The following CHN2 variants were observed in gnomAD, a reference collection of about 807,000 sequenced individuals.
CHN2 encodes chimerin 2, also known as beta-chimaerin.
In CHN2, 35 loss-of-function variants were observed where a neutral mutation model predicts 56.3. The observed-to-expected ratio is 0.62, with a 90% CI of 0.47 to 0.82. The LOEUF (loss-of-function observed/expected upper bound fraction) is 0.82. CHN2 is among the 40% of genes least tolerant of loss of function. The probability of loss-of-function intolerance (pLI) is 0.00; values close to 1 mark genes in which losing one functional copy is unlikely to be tolerated. For missense variants in CHN2, 491 were observed against 580.5 expected (o/e 0.85, Z 1.58); for synonymous variants, 210 against 212.8 (o/e 0.99, Z 0.12).
intron 1 of CHN2, among the ~76,000 whole-genome samples, chr7:29,256,364 T>C (rs1323191746): frequency 6.6e-6 from 1 of 152,242 alleles, no homozygotes; most frequent in East Asian, 1.9e-4. Flanking sequence ...GTTTTAATGT[T>C]TATCGATTTC....
At chr7:29,468,328 G>T (rs1183219531) in intron 6 of CHN2, among the ~76,000 whole-genome samples, 2 of 152,112 alleles carry the variant, frequency 1.3e-5, no homozygotes, top group East Asian at 3.8e-4. Flanking sequence ...TCAGCGTTCT[G>T]TGGTGGTTAG....
In CHN2 at chr7:29,419,443, C is replaced by T. The variant is rs147361343; in HGVS notation, c.576+18615C>T. The stretch of plus-strand genomic sequence containing the variant: ...GCTGGCAGTGATTTCTTGGATGTGA[C>T]ACCAAGAGCACAGGCAACAAAAGCA... On this transcript the variant is annotated intron_variant, in intron 6 of 12. Coordinates refer to ENST00000222792, the MANE Select transcript of CHN2 (RefSeq NM_004067.4). Among the ~76,000 whole-genome samples, 66 of 152,246 alleles carry T rather than the reference C, an allele frequency of 4.3e-4. No individual in the cohort carries two copies. In the East Asian group the frequency reaches 0.012, roughly 27 times the overall value.
chr7:29,482,801 T>TC (rs1562644913), intron 7 of CHN2, among the ~76,000 whole-genome samples: 4 of 7,512 alleles, frequency 5.3e-4, no homozygotes, highest in Non-Finnish European at 5.1e-4. Context: ...TTTTTTCTTT[T>TC]TTTTTTTTTT....
At chr7:29,452,144 C>T (rs1220495286) in intron 6 of CHN2, among the ~76,000 whole-genome samples, 1 of 152,150 alleles carries the variant, frequency 6.6e-6, no homozygotes, top group African/African-American at 2.4e-5. Flanking sequence ...TGCATAGACC[C>T]CTACAAATTA....
intron 1 of CHN2, among the ~76,000 whole-genome samples, chr7:29,346,118 C>A (rs1797415529): frequency 6.6e-6 from 1 of 152,166 alleles, no homozygotes; most frequent in African/African-American, 2.4e-5. Flanking sequence ...GCCTTCAGAT[C>A]TGGGTGTTTT....
At chr7:29,410,058 G>T (rs1048811198) in intron 6 of CHN2, among the ~76,000 whole-genome samples, 1 of 152,218 alleles carries the variant, frequency 6.6e-6, no homozygotes, top group African/African-American at 2.4e-5. Context: ...TCACTAGGCG[G>T]TGGGGGGACA....
intron 1 of CHN2, among the ~76,000 whole-genome samples, chr7:29,281,899 C>T (rs188009144): frequency 1.3e-5 from 2 of 152,292 alleles, no homozygotes; most frequent in East Asian, 1.9e-4. Flanking sequence ...CCTGAGTATG[C>T]GGTGCGTCAG....
intron 1 of CHN2, among the ~76,000 whole-genome samples, chr7:29,283,229 G>A (rs930233247): frequency 1.3e-5 from 2 of 152,162 alleles, no homozygotes; most frequent in East Asian, 1.9e-4. Context: ...AGTGCTTTGT[G>A]TATTAACTTG....
chr7:29,207,614 A>G (rs1584734874), intron 1 of CHN2, among the ~76,000 whole-genome samples: 1 of 152,296 alleles, frequency 6.6e-6, no homozygotes, highest in East Asian at 1.9e-4. Context: ...GCCTCGAAGT[A>G]GAGTGTGAGT....
In CHN2 at chr7:29,242,759, GAAAAAAAAAAAAAA is replaced by G. The variant is rs57273690; in HGVS notation, c.49+47782_49+47795del. 6.7e-5 allele frequency among the ~76,000 whole-genome samples: 4 copies of G among 59,724 alleles called. No individual in the cohort carries two copies. In the South Asian group the frequency reaches 1.7e-3, roughly 25 times the overall value. The allele number at this position is 59,724 out of a possible 152,430, so 39.2% of individuals were successfully genotyped here. ...AATATACAGAACTGACTTTCCTTCT[GAAAAAAAAAAAAAA>G]AAAAAAAAAAAAGGACAGGAAGAAA... is the stretch of plus-strand genomic sequence containing the variant. On this transcript the variant is annotated intron_variant, in intron 1 of 12. Coordinates refer to ENST00000222792, the MANE Select transcript of CHN2 (RefSeq NM_004067.4).
In CHN2 at chr7:29,479,752, C is replaced by T. The variant is rs576360899; in HGVS notation, c.577-527C>T. ...AAATGTGCTAATAAGGAGGAGAGAC[C>T]TCTCCTTTGCAATGTGCTGCGGCAG... is the stretch of plus-strand genomic sequence containing the variant. On this transcript the variant is annotated intron_variant, in intron 6 of 12. Transcript: ENST00000222792. 21 of 1,147,212 alleles carry T rather than the reference C, an allele frequency of 1.8e-5. No individual in the cohort carries two copies. In the South Asian group the frequency reaches 4.0e-4, roughly 22 times the overall value. 71.1% of individuals were successfully genotyped at this position (1,147,212 alleles called of 1,614,324 possible). A position where few individuals can be genotyped will look rare whatever the true frequency, so the allele number is the denominator to read the frequency against.
At chr7:29,156,371 C>T (rs1794373960) in intron 2 of CHN2, among the ~76,000 whole-genome samples, 1 of 152,140 alleles carries the variant, frequency 6.6e-6, no homozygotes, top group African/African-American at 2.4e-5. Context: ...ATGAAGGACA[C>T]ATTTTAATTA....
intron 9 of CHN2, among the ~76,000 whole-genome samples, chr7:29,500,920 T>A (rs1435376665): frequency 2.6e-5 from 4 of 152,238 alleles, no homozygotes; most frequent in Admixed American, 6.5e-5. Flanking sequence ...ATTTGTGCTT[T>A]CTTTGGCCAC....
At chr7:29,293,849 G>T (rs560955243) in intron 1 of CHN2, among the ~76,000 whole-genome samples, 1 of 148,962 alleles carries the variant, frequency 6.7e-6, no homozygotes, top group African/African-American at 2.5e-5. Flanking sequence ...AGCTCCACGA[G>T]GCTGGGAATT....
intron 1 of CHN2, among the ~76,000 whole-genome samples, chr7:29,306,974 CCTCTT>C (rs1483563478): frequency 6.6e-6 from 1 of 152,232 alleles, no homozygotes. Context: ...AAGCCTCCTT[CCTCTT>C]AAGAGTATGA....
chr7:29,174,307 G>A (rs1584556844), intron 2 of CHN2, among the ~76,000 whole-genome samples: 1 of 152,140 alleles, frequency 6.6e-6, no homozygotes, highest in Non-Finnish European at 1.5e-5. Flanking sequence ...CCATATTTTG[G>A]TATGCAGGCA....
chr7:29,185,769 C>T (rs1311162382), intron 2 of CHN2, among the ~76,000 whole-genome samples: 1 of 152,140 alleles, frequency 6.6e-6, no homozygotes, highest in Non-Finnish European at 1.5e-5. Flanking sequence ...CTTTATTATT[C>T]AAAATTATTC....
At chr7:29,389,034 C>T (rs1801154663) in intron 3 of CHN2, among the ~76,000 whole-genome samples, 1 of 152,228 alleles carries the variant, frequency 6.6e-6, no homozygotes, top group African/African-American at 2.4e-5. Context: ...CTGCCAAGTT[C>T]CCATTGCTCA....
In CHN2 at chr7:29,176,548, G is replaced by C. The variant is rs561563989; in HGVS notation, c.274+29588G>C. ...ACTTTGATTCCAAAGGAAAGACAAA[G>C]TAAAGACATTTATAGACAAAAATTG... On this transcript the variant is annotated intron_variant, in intron 2 of 6. Transcript: ENST00000439384. 3.9e-5 allele frequency among the ~76,000 whole-genome samples: 6 copies of C among 152,064 alleles called. No homozygotes were observed. In the East Asian group the frequency reaches 1.2e-3, roughly 29 times the overall value.
Sources: gnomAD v4.1 joint callset for allele counts (sites outside exome capture counted in the v4.1 genomes callset) on GRCh38, gnomAD v4.1.1 for gene constraint, MANE v1.5 for transcripts, NCBI Gene and HGNC (gene_info 2026-07-23, HGNC 2026-07-21) for gene names.